MATCAP2: variants seen among roughly 807,000 people sequenced by gnomAD.
MATCAP2 encodes the protein putative tyrosine carboxypeptidase MATCAP2.
At chr7:36,384,425 CCAT>C in the MATCAP2 span, among the ~76,000 whole-genome samples, 1 of 152,092 alleles carries the variant, frequency 6.6e-6, no homozygotes, top group Non-Finnish European at 1.5e-5. Context: ...CTCAGTTTTC[CCAT>C]CTCTAAAATA....
At chr7:36,326,143 G>A in the MATCAP2 span, 1 of 151,934 alleles carries the variant, frequency 6.6e-6, no homozygotes, top group Non-Finnish European at 1.5e-5. Context: ...GACAAAAAGA[G>A]GTGATTCTCT....
At chr7:36,367,697 A>C in the MATCAP2 span, among the ~76,000 whole-genome samples, 1 of 152,198 alleles carries the variant, frequency 6.6e-6, no homozygotes, top group African/African-American at 2.4e-5. Context: ...TGTGCAATTG[A>C]TAGGGGCTGA....
At chr7:36,385,476 T>C in the MATCAP2 span, among the ~76,000 whole-genome samples, 3 of 152,160 alleles carry the variant, frequency 2.0e-5, no homozygotes, top group Admixed American at 2.0e-4. Flanking sequence ...GAGTCCGACA[T>C]AGACCTATGT....
the MATCAP2 span, chr7:36,356,982 G>C: frequency 3.1e-6 from 5 of 1,614,170 alleles, no homozygotes; most frequent in Non-Finnish European, 4.2e-6. Context: ...TCAAACTGAG[G>C]ATTGTAGGTA....
the MATCAP2 span, among the ~76,000 whole-genome samples, chr7:36,333,355 G>A: frequency 6.6e-6 from 1 of 152,172 alleles, no homozygotes; most frequent in African/African-American, 2.4e-5. Flanking sequence ...GCTTAGAGCT[G>A]GAGAGAGGGG....
chr7:36,367,514 T>A, the MATCAP2 span, among the ~76,000 whole-genome samples: 1 of 152,260 alleles, frequency 6.6e-6, no homozygotes, highest in Admixed American at 6.5e-5. Context: ...CACTCGGCCC[T>A]AGCTGCAAAT....
the MATCAP2 span, chr7:36,326,748 G>C: frequency 1.2e-6 from 2 of 1,605,294 alleles, no homozygotes; most frequent in Non-Finnish European, 1.7e-6. Flanking sequence ...ATGTTTGCCA[G>C]AACGCTAATT....
the MATCAP2 span, among the ~76,000 whole-genome samples, chr7:36,379,963 C>G: frequency 6.6e-6 from 1 of 152,114 alleles, no homozygotes; most frequent in African/African-American, 2.4e-5. Flanking sequence ...CTTTTGCTCT[C>G]TCTCTCTATG....
chr7:36,364,719 T>C, the MATCAP2 span, among the ~76,000 whole-genome samples: 2 of 152,300 alleles, frequency 1.3e-5, no homozygotes, highest in African/African-American at 4.8e-5. Flanking sequence ...GAGGAGGGCA[T>C]GTTTTCAGCT....
At chr7:36,347,467 GAA>G in the MATCAP2 span, among the ~76,000 whole-genome samples, 1 of 152,318 alleles carries the variant, frequency 6.6e-6, no homozygotes, top group South Asian at 2.1e-4. Context: ...GGAAACACTA[GAA>G]GTCAGAAGAC....
the MATCAP2 span, among the ~76,000 whole-genome samples, chr7:36,337,098 C>CAAAAAAAAAAAAACAAAAA: frequency 5.4e-5 from 1 of 18,522 alleles, no homozygotes; most frequent in Non-Finnish European, 8.3e-5. Context: ...AACTCCATCT[C>CAAAAAAAAAAAAACAAAAA]AAAAAAAAAA....
chr7:36,367,653 C>T, the MATCAP2 span, among the ~76,000 whole-genome samples: 2,301 of 152,298 alleles, frequency 0.015, 42 homozygotes, highest in Non-Finnish European at 0.021. Flanking sequence ...AGCATACTAT[C>T]CTTAATGCTG....
the MATCAP2 span, among the ~76,000 whole-genome samples, chr7:36,346,986 C>T: frequency 6.6e-6 from 1 of 152,272 alleles, no homozygotes; most frequent in East Asian, 1.9e-4. Flanking sequence ...GTCTCAAACT[C>T]CTGACCTCAT....
At chr7:36,369,147 G>C in the MATCAP2 span, among the ~76,000 whole-genome samples, 1 of 152,094 alleles carries the variant, frequency 6.6e-6, no homozygotes, top group South Asian at 2.1e-4. Context: ...AGAGTGGCTG[G>C]CATGTAGTAG....
At chr7:36,348,420 AAAG>A in the MATCAP2 span, among the ~76,000 whole-genome samples, 1 of 152,226 alleles carries the variant, frequency 6.6e-6, no homozygotes, top group Non-Finnish European at 1.5e-5. Flanking sequence ...GGAAGAGGCA[AAAG>A]AAGAGCATAT....
At chr7:36,379,839 C>G in the MATCAP2 span, among the ~76,000 whole-genome samples, 1,600 of 131,272 alleles carry the variant, frequency 0.012, 18 homozygotes, top group Admixed American at 0.017. Flanking sequence ...CACACACACA[C>G]ACACACACAG....
chr7:36,329,859 G>A, the MATCAP2 span, among the ~76,000 whole-genome samples: 1 of 152,088 alleles, frequency 6.6e-6, no homozygotes, highest in African/African-American at 2.4e-5. Context: ...ATCAAACACA[G>A]CAGGTTATCA....
chr7:36,373,103 T>TA, the MATCAP2 span, among the ~76,000 whole-genome samples: 36 of 116,144 alleles, frequency 3.1e-4, no homozygotes, highest in African/African-American at 7.3e-4. Flanking sequence ...AGACTTCATC[T>TA]AAAAAAAAAA....
At chr7:36,371,458 T>A in the MATCAP2 span, among the ~76,000 whole-genome samples, 1 of 152,300 alleles carries the variant, frequency 6.6e-6, no homozygotes, top group South Asian at 2.1e-4. Flanking sequence ...TCTATATTCT[T>A]CTTACATAGT....
Sources: allele counts gnomAD v4.1 joint callset (sites outside exome capture counted in the v4.1 genomes callset), GRCh38; gene constraint gnomAD v4.1.1; transcripts MANE v1.5; gene names NCBI Gene and HGNC (gene_info 2026-07-23, HGNC 2026-07-21).